IPO9: variants seen among roughly 807,000 people sequenced by gnomAD.
The protein encoded by IPO9 is importin 9, also known as importin-9.
A neutral mutation model predicts 128.6 loss-of-function variants in IPO9; 28 were observed. That is an observed-to-expected ratio of 0.22 (90% CI 0.16 to 0.30). The LOEUF is 0.30. Ranked by LOEUF, IPO9 falls within the 10% of genes least tolerant of loss-of-function variation. The probability of loss-of-function intolerance (pLI) is 1.00; values close to 1 mark genes in which losing one functional copy is unlikely to be tolerated. For synonymous variants in IPO9, 455 were observed against 475.8 expected (o/e 0.96, Z 0.57); for missense variants, 935 against 1,293.9 (o/e 0.72, Z 4.26).
Position 201,860,799 on chromosome 1 carries a change from T to G in IPO9, c.1468+1805T>G, listed in dbSNP as rs200076491. On this transcript the variant is annotated intron_variant, in intron 13 of 23. Transcript: ENST00000361565. ...TTAAAATAAAAGAAATGGAAACATG[T>G]TTTCCCCTGGCTGTCAGAGCCATGA... is the stretch of plus-strand genomic sequence containing the variant. Among the ~76,000 whole-genome samples, 71 of 152,322 alleles carry G rather than the reference T, an allele frequency of 4.7e-4. 1 individual carries two copies. Among genetic ancestry groups the G allele is most frequent in the Admixed American group, 2.7e-3 (41 of 15,294 alleles).
Position 201,874,816 on chromosome 1 carries a change from T to G in IPO9, c.2834-16T>G. 1 of 1,543,072 alleles carries G rather than the reference T, an allele frequency of 6.5e-7. No homozygotes were observed. The highest frequency in any genetic ancestry group is 2.2e-5 in the East Asian group (1 of 44,502). On this transcript the variant is annotated splice_polypyrimidine_tract_variant and intron_variant, in intron 21 of 23. Transcript: ENST00000361565. Reference sequence around the variant, plus strand: ...TGAATGTGCTCTAGCTCTAGCTGCTTTTCATCTCCAAGTAGATGACTCCAA... The same window carrying G: ...TGAATGTGCTCTAGCTCTAGCTGCTGTTCATCTCCAAGTAGATGACTCCAA...
intron 1 of IPO9, among the ~76,000 whole-genome samples, chr1:201,844,741 AC>A (rs1435475997): frequency 8.4e-4 from 128 of 152,160 alleles, no homozygotes; most frequent in Non-Finnish European, 1.9e-4. Context: ...TAAGCCCTGA[AC>A]CTGAAACATT....
At chr1:201,875,353 G>T in intron 23 of IPO9, 125 bp downstream of exon 23, 1 of 834,486 alleles carries the variant, frequency 1.2e-6, no homozygotes, top group Non-Finnish European at 2.0e-6. Flanking sequence ...ACTTTGGGAG[G>T]TCAAGGCGGG....
chr1:201,843,784 C>T lies in IPO9; in HGVS notation c.164-3495C>T, dbSNP rs138903117. 2.8e-3 allele frequency among the ~76,000 whole-genome samples: 417 copies of T among 148,774 alleles called. 1 individual carries two copies. The highest frequency in any genetic ancestry group is 9.9e-3 in the African/African-American group (398 of 40,208). The stretch of plus-strand genomic sequence containing the variant: ...CAGAGGTTGCAGTGAACTGAGATAG[C>T]GCCACTGCACTCTAGTCTGGGTGAC... On this transcript the variant is annotated intron_variant, in intron 1 of 23. Coordinates refer to ENST00000361565, the MANE Select transcript of IPO9 (RefSeq NM_018085.5).
intron 4 of IPO9, among the ~76,000 whole-genome samples, chr1:201,849,585 A>G (rs1336317939): frequency 6.6e-6 from 1 of 152,174 alleles, no homozygotes; most frequent in Non-Finnish European, 1.5e-5. Context: ...TTCTTTCTCA[A>G]TCTCAGTTTA....
Position 201,863,494 on chromosome 1 carries a change from C to CACTGTT in IPO9, c.1516_1521dup (p.Thr506_Val507dup), listed in dbSNP as rs1680490047. The CACTGTT allele has an allele frequency of 6.3e-7, 1 of 1,594,942 alleles. No individual in the cohort carries two copies. The highest frequency in any genetic ancestry group is 1.1e-5 in the South Asian group (1 of 89,838). On this transcript the variant is annotated inframe_insertion, in exon 14 of 24. Coordinates refer to ENST00000361565, the MANE Select transcript of IPO9 (RefSeq NM_018085.5). ...GGGCACTTTGGGCTGCCAGTCGGTT[C>CACTGTT]ACTGTTGCTATGTCCCCTGAACTGA...
At chr1:201,832,520 A>C (rs964394037) in intron 1 of IPO9, among the ~76,000 whole-genome samples, 1 of 152,242 alleles carries the variant, frequency 6.6e-6, no homozygotes, top group Non-Finnish European at 1.5e-5. Flanking sequence ...CAGCCTCCCA[A>C]AATGCTGAGA....
In IPO9 at chr1:201,881,366, C is replaced by T. The variant is rs1680881168; in HGVS notation, c.*5312C>T. ...TATTGTTAACCTATCAAAGGTCACC[C>T]TGCAAGTGTGTGATTATAGTCCAAG... On this transcript the variant is annotated 3_prime_UTR_variant, in exon 24 of 24. Transcript: ENST00000361565. 1.3e-5 allele frequency: 2 copies of T among 152,172 alleles called. No individual in the cohort carries two copies. The highest frequency in any genetic ancestry group is 6.6e-5 in the Admixed American group (1 of 15,264). 9.4% of individuals were successfully genotyped at this position (152,172 alleles called of 1,614,324 possible).
At chr1:201,837,294 AG>A (rs1439171876) in intron 1 of IPO9, among the ~76,000 whole-genome samples, 16 of 151,996 alleles carry the variant, frequency 1.1e-4, no homozygotes, top group African/African-American at 3.9e-4. Flanking sequence ...TCCTTCTGGC[AG>A]GGATATGGAA....
In IPO9 at chr1:201,855,800, G is replaced by GA; in HGVS notation, c.992dup (p.Asn331LysfsTer5). ...TCCTGCAGGTGAAGTCCTGGGCTTT[G>GA]AAAATCTCGTCTTTAGCATTTTTGA... On this transcript the variant is annotated frameshift_variant, in exon 10 of 24. Coordinates refer to ENST00000361565, the MANE Select transcript of IPO9 (RefSeq NM_018085.5). LOFTEE classifies it high-confidence loss of function. 1 of 1,610,176 alleles carries GA rather than the reference G, an allele frequency of 6.2e-7. No individual in the cohort carries two copies. The highest frequency in any genetic ancestry group is 8.5e-7 in the Non-Finnish European group (1 of 1,179,272).
At chr1:201,832,147 C>T (rs1260269311) in intron 1 of IPO9, among the ~76,000 whole-genome samples, 7 of 151,990 alleles carry the variant, frequency 4.6e-5, no homozygotes, top group South Asian at 4.2e-4. Context: ...GTGATCCACC[C>T]GCCTCGGCCT....
chr1:201,874,417 C>T, intron 21 of IPO9, 45 bp downstream of exon 21: 1 of 1,566,290 alleles, frequency 6.4e-7, no homozygotes, highest in South Asian at 1.2e-5. Context: ...CCTGGCAGAT[C>T]AAGTTACAAA....
chr1:201,863,688 A>AT (rs1680494893), intron 14 of IPO9, 81 bp downstream of exon 14: 1 of 1,304,348 alleles, frequency 7.7e-7, no homozygotes, highest in African/African-American at 1.4e-5. Context: ...CCAGTGTATT[A>AT]TGTTGCTTGG....
At chr1:201,855,215 C>G in intron 9 of IPO9, 33 bp downstream of exon 9, 1 of 1,396,482 alleles carries the variant, frequency 7.2e-7, no homozygotes, top group Non-Finnish European at 1.0e-6. Context: ...ATAGAAATAC[C>G]AGTTAGTGGG....
chr1:201,859,502 C>T (rs1419743364), intron 13 of IPO9, among the ~76,000 whole-genome samples: 3 of 152,082 alleles, frequency 2.0e-5, no homozygotes, highest in African/African-American at 4.8e-5. Context: ...TGAGAATTAT[C>T]GAGTACTGCT....
At chr1:201,871,409 G>A (rs12756688) in intron 19 of IPO9, 82 bp downstream of exon 19, 68,384 of 664,644 alleles carry the variant, frequency 0.1, 8,752 homozygotes, top group African/African-American at 0.2. Flanking sequence ...TTTTTTTTGA[G>A]ACAGTCTCGC....
At chr1:201,867,094 C>G (rs1359650941) in intron 15 of IPO9, 135 bp downstream of exon 15, 1 of 718,960 alleles carries the variant, frequency 1.4e-6, no homozygotes, top group East Asian at 2.7e-5. Context: ...AAGAATCTGG[C>G]TTTCAATTAG....
rs895838821 is a variant in IPO9 at position 201,879,654 on chromosome 1, A to G, written c.*3600A>G. On this transcript the variant is annotated 3_prime_UTR_variant, in exon 24 of 24. Coordinates refer to ENST00000361565, the MANE Select transcript of IPO9 (RefSeq NM_018085.5). ...ATAAAAATGAGCAGAATCTAAATGT[A>G]ACATTTCAATAAATGCAGATTGATA... The G allele has an allele frequency of 1.2e-4, 19 of 152,256 alleles. No individual in the cohort carries two copies. Among genetic ancestry groups the G allele is most frequent in the African/African-American group, 4.3e-4 (18 of 41,466 alleles). The allele number at this position is 152,256 out of a possible 1,614,324, so 9.4% of individuals were successfully genotyped here.
At position 201,882,971 on chromosome 1, in the gene IPO9, C is replaced by T. The variant is rs949172968; in HGVS notation, c.*6917C>T. 2.0e-5 allele frequency: 3 copies of T among 152,642 alleles called. No homozygotes were observed. The highest frequency in any genetic ancestry group is 7.2e-5 in the African/African-American group (3 of 41,444). The allele number at this position is 152,642 out of a possible 1,614,324, so 9.5% of individuals were successfully genotyped here. On this transcript the variant is annotated 3_prime_UTR_variant, in exon 24 of 24. Coordinates refer to ENST00000361565, the MANE Select transcript of IPO9 (RefSeq NM_018085.5). Reference sequence around the variant, plus strand: ...CACTGTGACTCAGTTCAATTTCACACATGCTGCTGCTAAATTAGGGTCTTG... The same window carrying T: ...CACTGTGACTCAGTTCAATTTCACATATGCTGCTGCTAAATTAGGGTCTTG...
Sources: gnomAD v4.1 joint callset for allele counts (sites outside exome capture counted in the v4.1 genomes callset) on GRCh38, gnomAD v4.1.1 for gene constraint, MANE v1.5 for transcripts, NCBI Gene and HGNC (gene_info 2026-07-23, HGNC 2026-07-21) for gene names.